EIF5A2: variants seen among roughly 807,000 people sequenced by gnomAD.
EIF5A2 encodes eukaryotic translation initiation factor 5A-2.
Under a neutral mutation model 16.4 loss-of-function variants are expected in EIF5A2, and 15 were observed. That is an observed-to-expected ratio of 0.92 (90% CI 0.61 to 1.41). EIF5A2 has a LOEUF of 1.41. Among genes scored for constraint, EIF5A2 ranks in the 40% most tolerant of loss-of-function variants. The probability of loss-of-function intolerance (pLI) is 0.00; values close to 1 mark genes in which losing one functional copy is unlikely to be tolerated. For synonymous variants in EIF5A2, 48 were observed against 61.1 expected, an observed-to-expected ratio of 0.79 and a Z score of 1.00; for missense variants, 144 against 189.5, an observed-to-expected ratio of 0.76 and a Z score of 1.41.
rs1206503607 is a variant in EIF5A2 at position 170,890,127 on chromosome 3, T to C, written c.*3233A>G. ...ACAGCTCAACTAGAAATATTCTAAT[T>C]GAGAAACCTTAAAGTACAAAAACAA... On this transcript the variant is annotated 3_prime_UTR_variant, in exon 5 of 5. Transcript: ENST00000295822. The C allele has an allele frequency of 6.6e-6, 1 of 152,104 alleles. No homozygotes were observed. Among genetic ancestry groups the C allele is most frequent in the African/African-American group, 2.4e-5 (1 of 41,338 alleles). 9.4% of individuals were successfully genotyped at this position (152,104 alleles called of 1,614,324 possible).
In EIF5A2 at chr3:170,889,048, C is replaced by CTTTTTTTTTGTTTTT. The variant is rs1712457881; in HGVS notation, c.*4311_*4312insAAAAACAAAAAAAAA. On this transcript the variant is annotated 3_prime_UTR_variant, in exon 5 of 5. Coordinates refer to ENST00000295822, the MANE Select transcript of EIF5A2 (RefSeq NM_020390.6). The stretch of plus-strand genomic sequence containing the variant: ...ACTTCATATAAATACAATAACCTGT[C>CTTTTTTTTTGTTTTT]TTTTTTTTTTTTTTTTTTTTTTTGT... 1 of 96,188 alleles carries CTTTTTTTTTGTTTTT rather than the reference C, an allele frequency of 1.0e-5. No homozygotes were observed. Among genetic ancestry groups the CTTTTTTTTTGTTTTT allele is most frequent in the Non-Finnish European group, 1.9e-5 (1 of 52,950 alleles). 6.0% of individuals were successfully genotyped at this position (96,188 alleles called of 1,614,324 possible). A position where few individuals can be genotyped will look rare whatever the true frequency, so the allele number is the denominator to read the frequency against.
chr3:170,893,359 T>TTTA lies in EIF5A2; in HGVS notation c.460_462dup. ...ACAGTGTTCATGCCTGATGTTTCCG[T>TTTA]TTATTTGCAGGGTTTTATGGCTACA... is the stretch of plus-strand genomic sequence containing the variant. On this transcript the variant is annotated 3_prime_UTR_variant, in exon 5 of 5. Coordinates refer to ENST00000295822, the MANE Select transcript of EIF5A2 (RefSeq NM_020390.6). The TTTA allele has an allele frequency of 6.2e-7, 1 of 1,613,902 alleles. No individual in the cohort carries two copies.
Position 170,893,265 on chromosome 3 carries a change from T to G in EIF5A2, c.*95A>C. 8.4e-7 allele frequency: 1 copy of G among 1,196,922 alleles called. No individual in the cohort carries two copies. The highest frequency in any genetic ancestry group is 1.2e-6 in the Non-Finnish European group (1 of 862,274). 74.1% of individuals were successfully genotyped at this position (1,196,922 alleles called of 1,614,324 possible). ...AAACAATTAAAAAAAGAAATGAGGTTGCTTATGAAGGCTATAGCTTTGGTG... is the reference window on the plus strand; with the variant it reads ...AAACAATTAAAAAAAGAAATGAGGTGGCTTATGAAGGCTATAGCTTTGGTG... On this transcript the variant is annotated 3_prime_UTR_variant, in exon 5 of 5. Coordinates refer to ENST00000295822, the MANE Select transcript of EIF5A2 (RefSeq NM_020390.6).
rs148386979 is a variant in EIF5A2 at position 170,906,067 on chromosome 3, T to C, written c.270+922A>G. 3.3e-3 allele frequency among the ~76,000 whole-genome samples: 496 copies of C among 152,318 alleles called. 7 individuals are homozygous for C. The highest frequency in any genetic ancestry group is 0.011 in the African/African-American group (447 of 41,582). On this transcript the variant is annotated intron_variant, in intron 3 of 4. Transcript: ENST00000295822. ...AAAGGAAATCATTGCGTAAGTGCAG[T>C]TGATAGCAACATTAAAAGAAATTTA...
intron 3 of EIF5A2, among the ~76,000 whole-genome samples, chr3:170,897,436 C>T (rs1034871914): frequency 1.5e-4 from 23 of 152,228 alleles, no homozygotes; most frequent in Non-Finnish European, 2.9e-4. Context: ...AGGCCCAGAG[C>T]CCTGCTGCTC....
intron 3 of EIF5A2, among the ~76,000 whole-genome samples, chr3:170,899,962 G>A (rs1355032796): frequency 1.3e-5 from 2 of 151,014 alleles, no homozygotes; most frequent in African/African-American, 2.4e-5. Context: ...AGTAATTATT[G>A]TTAGTAGCAA....
chr3:170,897,761 A>G (rs779098129), intron 3 of EIF5A2, among the ~76,000 whole-genome samples: 1 of 152,362 alleles, frequency 6.6e-6, no homozygotes, highest in East Asian at 1.9e-4. Flanking sequence ...CCCCACACAG[A>G]GTCCCCACTG....
intron 3 of EIF5A2, among the ~76,000 whole-genome samples, chr3:170,903,133 A>AT (rs916078818): frequency 6.6e-6 from 1 of 151,890 alleles, no homozygotes; most frequent in Non-Finnish European, 1.5e-5. Context: ...ACAGGCAGCA[A>AT]TTTTTTCTTA....
At position 170,893,151 on chromosome 3, in the gene EIF5A2, C is replaced by T. The variant is rs1712576585; in HGVS notation, c.*209G>A. ...AAAACCACAGGAATATTATAGGAAA[C>T]ATATCTACAAAATTCAAAAAAAATT... is the stretch of plus-strand genomic sequence containing the variant. On this transcript the variant is annotated 3_prime_UTR_variant, in exon 5 of 5. Transcript: ENST00000295822. 8.7e-6 allele frequency: 4 copies of T among 459,000 alleles called. No individual in the cohort carries two copies. The highest frequency in any genetic ancestry group is 1.1e-5 in the Non-Finnish European group (3 of 263,786). 28.4% of individuals were successfully genotyped at this position (459,000 alleles called of 1,614,324 possible). A position where few individuals can be genotyped will look rare whatever the true frequency, so the allele number is the denominator to read the frequency against.
chr3:170,898,190 G>A (rs1052267599), intron 3 of EIF5A2, among the ~76,000 whole-genome samples: 5 of 152,176 alleles, frequency 3.3e-5, no homozygotes, highest in African/African-American at 1.2e-4. Context: ...GACTTCCCTT[G>A]TTTCAGATGA....
rs142276982 is a variant in EIF5A2, at chr3:170,897,511, G to T, written c.271-3088C>A. The stretch of plus-strand genomic sequence containing the variant: ...TCCAGCTCCAGCTGTGGCTAAAAGG[G>T]GTCAAGGTACAGCTTGGGCTGTTGC... On this transcript the variant is annotated intron_variant, in intron 3 of 4. Coordinates refer to ENST00000295822, the MANE Select transcript of EIF5A2 (RefSeq NM_020390.6). Among the ~76,000 whole-genome samples, 805 of 152,322 alleles carry T rather than the reference G, an allele frequency of 5.3e-3. 18 individuals carry two copies. The highest frequency in any genetic ancestry group is 0.018 in the African/African-American group (742 of 41,564).
At chr3:170,894,150 G>A in intron 4 of EIF5A2, 142 bp downstream of exon 4, 7 of 925,616 alleles carry the variant, frequency 7.6e-6, no homozygotes, top group Non-Finnish European at 1.1e-5. Flanking sequence ...AGGGTTTTAT[G>A]GAAAACCTGC....
chr3:170,898,686 A>G (rs1372381759), intron 3 of EIF5A2, among the ~76,000 whole-genome samples: 1 of 152,186 alleles, frequency 6.6e-6, no homozygotes, highest in African/African-American at 2.4e-5. Flanking sequence ...ATGGACTAAT[A>G]CAATCTTTTA....
At position 170,891,213 on chromosome 3, in the gene EIF5A2, G is replaced by T. The variant is rs1320216967; in HGVS notation, c.*2147C>A. The stretch of plus-strand genomic sequence containing the variant: ...GGGCCATATGAATGAACTGCAAGCA[G>T]CACGGATTAATAATTTTCTGGAATT... On this transcript the variant is annotated 3_prime_UTR_variant, in exon 5 of 5. Coordinates refer to ENST00000295822, the MANE Select transcript of EIF5A2 (RefSeq NM_020390.6). The T allele has an allele frequency of 6.6e-6, 1 of 152,548 alleles. No individual in the cohort carries two copies. Among genetic ancestry groups the T allele is most frequent in the Non-Finnish European group, 1.5e-5 (1 of 68,002 alleles). The allele number at this position is 152,548 out of a possible 1,614,324, so 9.4% of individuals were successfully genotyped here.
rs761918940 is a variant in EIF5A2, at chr3:170,894,369, G to A, written c.325C>T (p.Arg109Cys). The change falls in exon 4 of 5, where the codon CGT becomes TGT. Residue 109 changes from arginine (R) to cysteine (C), a missense_variant. Coordinates refer to ENST00000295822, the MANE Select transcript of EIF5A2 (RefSeq NM_020390.6). ...CCTTCTGGCAGTTTAAGATCCTCAC[G>A]AACTTCACCAGTTTCTGTCAGCAGG... is the stretch of plus-strand genomic sequence containing the variant. ...LSLLTETGEV[R>C]EDLKLPEGEL... The A allele has an allele frequency of 1.1e-5, 17 of 1,613,730 alleles. No homozygotes were observed. The highest frequency in any genetic ancestry group is 1.2e-5 in the Non-Finnish European group (14 of 1,179,930).
chr3:170,896,691 T>C (rs916356468), intron 3 of EIF5A2, among the ~76,000 whole-genome samples: 4 of 152,182 alleles, frequency 2.6e-5, no homozygotes, highest in Admixed American at 1.3e-4. Context: ...TAGTTCTTTA[T>C]AGCAGTGTGA....
In EIF5A2 at chr3:170,890,768, A is replaced by T. The variant is rs940831487; in HGVS notation, c.*2592T>A. 6.6e-6 allele frequency: 1 copy of T among 152,596 alleles called. No homozygotes were observed. Among genetic ancestry groups the T allele is most frequent in the African/African-American group, 2.4e-5 (1 of 41,460 alleles). The allele number at this position is 152,596 out of a possible 1,614,324, so 9.5% of individuals were successfully genotyped here. A position where few individuals can be genotyped will look rare whatever the true frequency, so the allele number is the denominator to read the frequency against. On this transcript the variant is annotated 3_prime_UTR_variant, in exon 5 of 5. Transcript: ENST00000295822. ...TTTAACATTTGCTACAAAAAAGTAC[A>T]ACAAATATTGGGAATCAACTTTAAC...
At chr3:170,893,733 C>A (rs1220029102) in intron 4 of EIF5A2, among the ~76,000 whole-genome samples, 1 of 152,188 alleles carries the variant, frequency 6.6e-6, no homozygotes, top group Non-Finnish European at 1.5e-5. Flanking sequence ...TCATTTCTTA[C>A]CTGTAAGAAT....
Position 170,892,540 on chromosome 3 carries a change from C to T in EIF5A2, c.*820G>A. The stretch of plus-strand genomic sequence containing the variant: ...TTGCATAGTATCATGTAAAGCAGAT[C>T]ACTCCCTTTAAACGTTGGGGGCAAA... On this transcript the variant is annotated 3_prime_UTR_variant, in exon 5 of 5. Transcript: ENST00000295822. 1 of 366,172 alleles carries T rather than the reference C, an allele frequency of 2.7e-6. No individual in the cohort carries two copies. Among genetic ancestry groups the T allele is most frequent in the Non-Finnish European group, 4.8e-6 (1 of 206,530 alleles). The allele number at this position is 366,172 out of a possible 1,614,324, so 22.7% of individuals were successfully genotyped here.
Sources: allele counts gnomAD v4.1 joint callset (sites outside exome capture counted in the v4.1 genomes callset), GRCh38; gene constraint gnomAD v4.1.1; transcripts MANE v1.5; gene names NCBI Gene and HGNC (gene_info 2026-07-23, HGNC 2026-07-21).